The following NCOA1 variants were observed in gnomAD, a reference collection of about 807,000 sequenced individuals.
NCOA1 encodes Hin-2 protein.
A neutral mutation model predicts 150.9 loss-of-function variants in NCOA1; 35 were observed. That is an observed-to-expected ratio of 0.23 (90% CI 0.18 to 0.31). The LOEUF (loss-of-function observed/expected upper bound fraction) is 0.31, where lower values mean the gene tolerates loss of function less well. Among genes scored for constraint, NCOA1 ranks in the 10% least tolerant of loss-of-function variants. The pLI is 1.00. For missense variants in NCOA1, 1,491 were observed against 1,749.3 expected (o/e 0.85, Z 2.63); for synonymous variants, 590 against 630.0 (o/e 0.94, Z 0.95).
chr2:24,684,657 T>C (rs1455961547), intron 8 of NCOA1, among the ~76,000 whole-genome samples: 2 of 152,250 alleles, frequency 1.3e-5, no homozygotes, highest in Non-Finnish European at 2.9e-5. Flanking sequence ...CAGAGATATC[T>C]TTCTCTCATT....
At chr2:24,764,498 G>C (rs1664950007) in intron 22 of NCOA1, among the ~76,000 whole-genome samples, 1 of 152,202 alleles carries the variant, frequency 6.6e-6, no homozygotes, top group Non-Finnish European at 1.5e-5. Flanking sequence ...GAAGGAAAAG[G>C]GTATGGTAGT....
intron 19 of NCOA1, among the ~76,000 whole-genome samples, chr2:24,748,397 G>C (rs1408125093): frequency 6.6e-6 from 1 of 152,054 alleles, no homozygotes; most frequent in East Asian, 1.9e-4. Context: ...GGATCACAAG[G>C]TCAGGAGATC....
chr2:24,766,597 G>T lies in NCOA1; in HGVS notation c.4156-1624G>T, dbSNP rs147005061. On this transcript the variant is annotated intron_variant, in intron 22 of 22. Coordinates refer to ENST00000348332, the MANE Select transcript of NCOA1 (RefSeq NM_003743.5). ...GGGGAGTAGTAGGGAACTGGGATGG[G>T]ATGGGGAGGAGGTAAGACAGGAGAG... is the stretch of plus-strand genomic sequence containing the variant. 3.6e-4 allele frequency among the ~76,000 whole-genome samples: 51 copies of T among 141,920 alleles called. No individual in the cohort carries two copies. The East Asian group carries it at 5.7e-3, about 16-fold the overall frequency. 93.1% of individuals were successfully genotyped at this position (141,920 alleles called of 152,430 possible). A position where few individuals can be genotyped will look rare whatever the true frequency, so the allele number is the denominator to read the frequency against.
At chr2:24,697,871 T>TA in intron 11 of NCOA1, 73 bp downstream of exon 11, 2 of 1,380,260 alleles carry the variant, frequency 1.4e-6, no homozygotes, top group Admixed American at 4.6e-5. Flanking sequence ...GTATAGAACT[T>TA]ATGGCTTGAT....
intron 1 of NCOA1, among the ~76,000 whole-genome samples, chr2:24,563,497 A>G (rs1411276356): frequency 2.6e-5 from 4 of 152,032 alleles, no homozygotes; most frequent in Non-Finnish European, 4.4e-5. Context: ...TTGGCCTTAA[A>G]TAGCAAAAGC....
At chr2:24,767,122 C>A (rs1165711022) in intron 22 of NCOA1, among the ~76,000 whole-genome samples, 1 of 152,102 alleles carries the variant, frequency 6.6e-6, no homozygotes, top group African/African-American at 2.4e-5. Flanking sequence ...TTGATGCATA[C>A]CACATTTGAC....
At chr2:24,524,342 C>T (rs1572381539) in intron 1 of NCOA1, among the ~76,000 whole-genome samples, 3 of 152,260 alleles carry the variant, frequency 2.0e-5, no homozygotes, top group Middle Eastern at 3.4e-3. Context: ...GTCGCCCAGG[C>T]TGGTGGAATG....
At chr2:24,499,255 T>C (rs1214853026) in intron 1 of NCOA1, among the ~76,000 whole-genome samples, 1 of 152,208 alleles carries the variant, frequency 6.6e-6, no homozygotes, top group African/African-American at 2.4e-5. Flanking sequence ...TATGTGGCAG[T>C]TCCTTACTGT....
intron 3 of NCOA1, among the ~76,000 whole-genome samples, chr2:24,586,941 A>T (rs1180420935): frequency 6.6e-6 from 1 of 152,034 alleles, no homozygotes; most frequent in Non-Finnish European, 1.5e-5. Context: ...TTTGCCCCAG[A>T]GAAATACATA....
At chr2:24,651,834 A>T (rs752587812) in intron 4 of NCOA1, among the ~76,000 whole-genome samples, 12 of 152,040 alleles carry the variant, frequency 7.9e-5, no homozygotes, top group Non-Finnish European at 1.6e-4. Flanking sequence ...ATGAGATACC[A>T]TTTCACACCC....
At chr2:24,748,634 AAT>A (rs1305045552) in intron 19 of NCOA1, among the ~76,000 whole-genome samples, 143 of 90,834 alleles carry the variant, frequency 1.6e-3, no homozygotes, top group East Asian at 9.8e-3. Flanking sequence ...AAAAAAAAAA[AAT>A]GTAACCTATA....
chr2:24,578,547 C>T (rs1667077180), intron 2 of NCOA1, among the ~76,000 whole-genome samples: 1 of 152,050 alleles, frequency 6.6e-6, no homozygotes, highest in South Asian at 2.1e-4. Context: ...AAAGGACATG[C>T]CCATTAGCTC....
intron 3 of NCOA1, among the ~76,000 whole-genome samples, chr2:24,632,771 AAACTAC>A (rs1669763371): frequency 6.6e-6 from 1 of 152,244 alleles, no homozygotes; most frequent in East Asian, 1.9e-4. Context: ...TTAACAGTGT[AAACTAC>A]ATTACCTGTA....
chr2:24,741,233 A>T (rs1417234431), intron 18 of NCOA1, among the ~76,000 whole-genome samples: 1 of 151,738 alleles, frequency 6.6e-6, no homozygotes, highest in Non-Finnish European at 1.5e-5. Context: ...ATGAAAATTA[A>T]AATCACCTAT....
intron 2 of NCOA1, among the ~76,000 whole-genome samples, chr2:24,573,093 A>T (rs773894698): frequency 6.6e-6 from 1 of 152,148 alleles, no homozygotes; most frequent in Non-Finnish European, 1.5e-5. Context: ...TTACTTGGTG[A>T]AGGTATTGAA....
chr2:24,633,069 G>A (rs149578098), intron 3 of NCOA1, among the ~76,000 whole-genome samples: 1 of 151,944 alleles, frequency 6.6e-6, no homozygotes, highest in Non-Finnish European at 1.5e-5. Context: ...TAGAAAACTT[G>A]ATGTATATGT....
chr2:24,651,884 CTT>C (rs1428494128), intron 4 of NCOA1, among the ~76,000 whole-genome samples: 2 of 151,942 alleles, frequency 1.3e-5, no homozygotes, highest in African/African-American at 4.8e-5. Context: ...GGAAATAACT[CTT>C]TATTTGGTGA....
intron 1 of NCOA1, among the ~76,000 whole-genome samples, chr2:24,531,442 G>C (rs1664897731): frequency 6.6e-6 from 1 of 152,070 alleles, no homozygotes; most frequent in Admixed American, 6.5e-5. Context: ...GGTGGAGCTG[G>C]AGGCCATTTT....
intron 1 of NCOA1, among the ~76,000 whole-genome samples, chr2:24,500,324 T>A (rs1335438330): frequency 6.6e-6 from 1 of 152,168 alleles, no homozygotes; most frequent in Non-Finnish European, 1.5e-5. Flanking sequence ...GTCAAGCTGG[T>A]CTTGAACTCC....
Sources: allele counts gnomAD v4.1 joint callset (sites outside exome capture counted in the v4.1 genomes callset), GRCh38; gene constraint gnomAD v4.1.1; transcripts MANE v1.5; gene names NCBI Gene and HGNC (gene_info 2026-07-23, HGNC 2026-07-21).